The following HSPA12A variants were observed in gnomAD, a reference collection of about 807,000 sequenced individuals.
The protein encoded by HSPA12A is heat shock 70 kDa protein 12A.
A neutral mutation model predicts 69.2 loss-of-function variants in HSPA12A; 28 were observed. The observed-to-expected ratio is 0.40, with a 90% CI of 0.30 to 0.55. The LOEUF is 0.55. HSPA12A is among the 20% of genes least tolerant of loss of function. The pLI is 0.38. For missense variants in HSPA12A, 686 were observed against 900.7 expected (o/e 0.76, Z 3.05); for synonymous variants, 345 against 370.5 (o/e 0.93, Z 0.79).
chr10:116,682,103 TGAAA>T (rs1849423573), intron 7 of HSPA12A, among the ~76,000 whole-genome samples: 1 of 152,190 alleles, frequency 6.6e-6, no homozygotes, highest in Admixed American at 6.5e-5. Flanking sequence ...TGTGCCCAGC[TGAAA>T]AGCCCACCCT....
At chr10:116,756,307 G>T (rs1053836343) in intron 2 of HSPA12A, among the ~76,000 whole-genome samples, 4 of 152,232 alleles carry the variant, frequency 2.6e-5, no homozygotes, top group South Asian at 2.1e-4. Flanking sequence ...AAATTGTGTT[G>T]CTCTTTCTCG....
chr10:116,742,832 G>T (rs1164177642), upstream of HSPA12A, among the ~76,000 whole-genome samples: 2 of 151,946 alleles, frequency 1.3e-5, no homozygotes, highest in African/African-American at 4.8e-5. Flanking sequence ...CGGGGGTAGT[G>T]GCGCGCCCGG....
chr10:116,804,553 CCAGCCA>C (rs1416062826), intron 2 of HSPA12A, among the ~76,000 whole-genome samples: 1 of 152,120 alleles, frequency 6.6e-6, no homozygotes, highest in East Asian at 1.9e-4. Context: ...GCCCCCAGCC[CCAGCCA>C]CAGCGAGATC....
In HSPA12A at chr10:116,705,273, G is replaced by A. The variant is rs1564787805; in HGVS notation, c.132C>T (p.Asp44=). 6.2e-7 allele frequency: 1 copy of A among 1,614,166 alleles called. No homozygotes were observed. The part of the protein sequence containing the change: ...TPLSPSHIVN[D]TDSNVSEQQS... The stretch of plus-strand genomic sequence containing the variant: ...GCTGTTCTGAGACGTTGGAGTCAGT[G>A]TCGTTCTGCAGATATACAGTGAGGC... The change falls in exon 3 of 12, where the codon GAC becomes GAT. Residue 44 remains aspartate, a synonymous_variant. Transcript: ENST00000369209.
intron 2 of HSPA12A, among the ~76,000 whole-genome samples, chr10:116,785,518 C>T (rs1331245897): frequency 7.2e-5 from 11 of 152,104 alleles, no homozygotes; most frequent in Admixed American, 7.2e-4. Flanking sequence ...CAGATCCCCG[C>T]CTGCCTCCCT....
intron 2 of HSPA12A, among the ~76,000 whole-genome samples, chr10:116,811,100 C>T (rs1043091438): frequency 6.6e-6 from 1 of 152,098 alleles, no homozygotes; most frequent in Admixed American, 6.6e-5. Context: ...GAGGAGGCAA[C>T]ATTTCAGCTG....
chr10:116,744,540 A>C (rs1220349509), upstream of HSPA12A, among the ~76,000 whole-genome samples: 1 of 152,248 alleles, frequency 6.6e-6, no homozygotes, highest in Non-Finnish European at 1.5e-5. Flanking sequence ...GTGCGTGAGA[A>C]GGATGGGAGG....
chr10:116,780,349 TATA>T (rs1554891691), intron 2 of HSPA12A, among the ~76,000 whole-genome samples: 1 of 151,452 alleles, frequency 6.6e-6, no homozygotes, highest in Admixed American at 6.6e-5. Flanking sequence ...TATTTTATTA[TATA>T]ATAATTATTA....
At position 116,692,355 on chromosome 10, in the gene HSPA12A, T is replaced by G; in HGVS notation, c.659A>C (p.Tyr220Ser). The G allele has an allele frequency of 1.2e-6, 2 of 1,613,140 alleles. No homozygotes were observed. The highest frequency in any genetic ancestry group is 1.7e-6 in the Non-Finnish European group (2 of 1,179,150). The change falls in exon 6 of 12, where the codon TAC (tyrosine) becomes TCC (serine). Residue 220 changes from tyrosine to serine, a missense_variant. By Grantham distance (144) the Tyr-to-Ser change is moderately radical (BLOSUM62 -2). Transcript: ENST00000369209. ...CCGCCCTGACTCTACCCTCACCTGG[T>G]AGGCAGCTTGTCTCATGAACTGCTT... The part of the protein sequence containing the change: ...PAKQFMRQAA[Y>S]QAGLASPENS...
intron 1 of HSPA12A, among the ~76,000 whole-genome samples, chr10:116,738,377 TA>T (rs200907680): frequency 6.6e-6 from 1 of 150,560 alleles, no homozygotes; most frequent in Admixed American, 6.6e-5. Context: ...GTGTCCTTAG[TA>T]AAAAAAAATG....
intron 2 of HSPA12A, among the ~76,000 whole-genome samples, chr10:116,799,018 GC>G (rs1844898304): frequency 6.6e-6 from 1 of 152,084 alleles, no homozygotes; most frequent in Non-Finnish European, 1.5e-5. Flanking sequence ...GATGCCCAGG[GC>G]TCTGCTGACT....
At chr10:116,703,595 A>C (rs1850144002) in intron 3 of HSPA12A, among the ~76,000 whole-genome samples, 1 of 152,220 alleles carries the variant, frequency 6.6e-6, no homozygotes, top group Admixed American at 6.5e-5. Flanking sequence ...GAGCAATACT[A>C]AATTCCACAA....
chr10:116,757,264 C>G (rs900264089), intron 2 of HSPA12A, among the ~76,000 whole-genome samples: 1 of 152,172 alleles, frequency 6.6e-6, no homozygotes, highest in Non-Finnish European at 1.5e-5. Flanking sequence ...GTTAGTGTTA[C>G]GGATTTTGCC....
chr10:116,768,501 G>A (rs1351397707), intron 2 of HSPA12A, among the ~76,000 whole-genome samples: 1 of 152,172 alleles, frequency 6.6e-6, no homozygotes, highest in Non-Finnish European at 1.5e-5. Flanking sequence ...TTTATGTTAT[G>A]TAAATGTCTC....
chr10:116,738,302 G>A (rs1471095121), intron 1 of HSPA12A, among the ~76,000 whole-genome samples: 1 of 152,172 alleles, frequency 6.6e-6, no homozygotes, highest in African/African-American at 2.4e-5. Flanking sequence ...GCCCTCTGCT[G>A]TGTTCCCTCA....
At chr10:116,843,795 C>T (rs1471996756) in intron 1 of HSPA12A, among the ~76,000 whole-genome samples, 4 of 152,166 alleles carry the variant, frequency 2.6e-5, no homozygotes, top group African/African-American at 4.8e-5. Context: ...TCTGGAGATT[C>T]CCATTTAATC....
chr10:116,682,456 G>GC (rs1491313986), intron 7 of HSPA12A, among the ~76,000 whole-genome samples: 16 of 117,788 alleles, frequency 1.4e-4, no homozygotes, highest in South Asian at 2.9e-4. Context: ...TAAATAGACT[G>GC]GGGGGGGGGG....
intron 7 of HSPA12A, 135 bp from the exon 8 acceptor site, chr10:116,682,012 A>G: frequency 7.1e-6 from 5 of 708,406 alleles, no homozygotes; most frequent in Non-Finnish European, 1.2e-5. Flanking sequence ...AAATAAGTCA[A>G]TACGATGTCG....
At chr10:116,761,883 T>A (rs1336854987) in intron 2 of HSPA12A, among the ~76,000 whole-genome samples, 7 of 152,190 alleles carry the variant, frequency 4.6e-5, no homozygotes, top group African/African-American at 1.4e-4. Context: ...AAAAGGATTT[T>A]TCAGGTTTTG....
Sources: allele counts gnomAD v4.1 joint callset (sites outside exome capture counted in the v4.1 genomes callset), GRCh38; gene constraint gnomAD v4.1.1; transcripts MANE v1.5; gene names NCBI Gene and HGNC (gene_info 2026-07-23, HGNC 2026-07-21).